Variants in ENO1 observed in about 807,000 individuals in gnomAD.
The protein encoded by ENO1 is enolase 1.
Under a neutral mutation model 46.3 loss-of-function variants are expected in ENO1, and 33 were observed. That is an observed-to-expected ratio of 0.71 (90% CI 0.54 to 0.95). The LOEUF (loss-of-function observed/expected upper bound fraction) is 0.95. Ranked by LOEUF, ENO1 falls within the 40% of genes least tolerant of loss-of-function variation. ENO1 has a pLI of 0.00. For synonymous variants in ENO1, 220 were observed against 216.0 expected (o/e 1.02, Z -0.16); for missense variants, 488 against 553.3 (o/e 0.88, Z 1.18).
chr1:8,871,762 A>G, intron 3 of ENO1, 129 bp downstream of exon 3: 1 of 1,261,572 alleles, frequency 7.9e-7, no homozygotes, highest in Middle Eastern at 2.8e-4. Context: ...CATCAACATC[A>G]TGGGTCACAG....
chr1:8,863,782 G>C, intron 9 of ENO1, 109 bp downstream of exon 9: 1 of 1,236,944 alleles, frequency 8.1e-7, no homozygotes, highest in Non-Finnish European at 1.2e-6. Context: ...AAATTCCAGC[G>C]AGTCCTACAT....
intron 4 of ENO1, chr1:8,870,205 G>A (rs187723164): frequency 9.4e-6 from 5 of 529,548 alleles, no homozygotes; most frequent in East Asian, 8.9e-5. Flanking sequence ...AGAGTTGCAG[G>A]GGGGAAGAAA....
Position 8,863,962 on chromosome 1 carries a change from C to G in ENO1, c.996G>C (p.Val332=). The G allele has an allele frequency of 6.2e-7, 1 of 1,614,138 alleles. No individual in the cohort carries two copies. The highest frequency in any genetic ancestry group is 8.5e-7 in the Non-Finnish European group (1 of 1,180,026). Residue 332 remains valine (V), a synonymous_variant, in exon 9 of 12, where the codon GTG becomes GTC. Coordinates refer to ENST00000234590, the MANE Select transcript of ENO1 (RefSeq NM_001428.5). The part of the protein sequence containing the change: ...VTNPKRIAKA[V]NEKSCNCLLL... ...GGAGGCAGTTGCAGGACTTCTCGTT[C>G]ACGGCCTTGGCGATCCTCTTTGGGT... is the stretch of plus-strand genomic sequence containing the variant.
At chr1:8,863,805 GA>G in intron 9 of ENO1, 85 bp downstream of exon 9, 2 of 1,430,642 alleles carry the variant, frequency 1.4e-6, no homozygotes, top group Middle Eastern at 3.5e-4. Context: ...TGGCCAGCAG[GA>G]TTCCCCATCA....
rs1569916681 is a variant in ENO1, at chr1:8,872,150, T to C, written c.86-164A>G. 5.3e-5 allele frequency among the ~76,000 whole-genome samples: 8 copies of C among 152,340 alleles called. 3 individuals are homozygous for C. The highest frequency in any genetic ancestry group is 5.2e-4 in the Admixed American group (8 of 15,306). Reference sequence around the variant, plus strand: ...TGGGCTGTTCTTCATGCCTTTCACATGTTTATGATCCTGTACTGCAGAACT... The same window carrying C: ...TGGGCTGTTCTTCATGCCTTTCACACGTTTATGATCCTGTACTGCAGAACT... On this transcript the variant is annotated intron_variant, in intron 2 of 11. Transcript: ENST00000234590.
At position 8,861,321 on chromosome 1, in the gene ENO1, G is replaced by C; in HGVS notation, c.*39C>G. ...AGCTGACACGAGGGGAGGGGTCTGT[G>C]TAGCCAACAGGTGACCGAAGGGCTT... On this transcript the variant is annotated 3_prime_UTR_variant, in exon 12 of 12. Transcript: ENST00000234590. 6.2e-7 allele frequency: 1 copy of C among 1,609,768 alleles called. No individual in the cohort carries two copies. Among genetic ancestry groups the C allele is most frequent in the Non-Finnish European group, 8.5e-7 (1 of 1,177,294 alleles).
intron 4 of ENO1, among the ~76,000 whole-genome samples, chr1:8,869,273 G>A (rs1400862169): frequency 1.3e-5 from 2 of 152,146 alleles, no homozygotes; most frequent in Non-Finnish European, 2.9e-5. Flanking sequence ...GTCACACTAT[G>A]CAGGGGTATG....
rs1642395855 is a variant in ENO1, at chr1:8,861,273, G to A, written c.*87C>T. 1 of 1,400,632 alleles carries A rather than the reference G, an allele frequency of 7.1e-7. No homozygotes were observed. The highest frequency in any genetic ancestry group is 1.4e-5 in the African/African-American group (1 of 70,386). The allele number at this position is 1,400,632 out of a possible 1,614,324, so 86.8% of individuals were successfully genotyped here. A position where few individuals can be genotyped will look rare whatever the true frequency, so the allele number is the denominator to read the frequency against. On this transcript the variant is annotated 3_prime_UTR_variant, in exon 12 of 12. Transcript: ENST00000234590. ...ACTAGCAGGGACCCCTGCAAGTGTT[G>A]GTCGGGGGCCTCGAGCTGCCTGAGC...
rs1642442366 is a variant in ENO1 at position 8,863,271 on chromosome 1, G to A, written c.1140C>T (p.Phe380=). ...ACAGCCCCACAACCAGGTCAGCGAT[G>A]AAGGTATCTTCAGTCTCCCCCGAAC... ...SHRSGETEDT[F]IADLVVGLCT... The change falls in exon 10 of 12, where the codon TTC becomes TTT. Residue 380 remains phenylalanine, a synonymous_variant. Transcript: ENST00000234590. 6.2e-7 allele frequency: 1 copy of A among 1,614,064 alleles called. No individual in the cohort carries two copies. Among genetic ancestry groups the A allele is most frequent in the Admixed American group, 1.7e-5 (1 of 59,990 alleles).
At chr1:8,871,681 A>T in intron 3 of ENO1, 1 of 1,359,600 alleles carries the variant, frequency 7.4e-7, no homozygotes. Flanking sequence ...CTCTCGACCC[A>T]GAGCATGCAG....
At chr1:8,870,924 C>G in intron 3 of ENO1, 1 of 1,255,070 alleles carries the variant, frequency 8.0e-7, no homozygotes, top group Non-Finnish European at 1.0e-6. Flanking sequence ...GAGAGAGACT[C>G]AGAAGAGAAC....
At chr1:8,867,405 A>G (rs1642543527) in intron 5 of ENO1, among the ~76,000 whole-genome samples, 155 bp from the exon 6 acceptor site, 1 of 152,058 alleles carries the variant, frequency 6.6e-6, no homozygotes, top group African/African-American at 2.4e-5. Flanking sequence ...TTCTATGTGG[A>G]CTCACCACTG....
At chr1:8,864,384 G>A (rs905683182) in intron 8 of ENO1, among the ~76,000 whole-genome samples, 1 of 152,198 alleles carries the variant, frequency 6.6e-6, no homozygotes, top group Admixed American at 6.5e-5. Context: ...AAGTGCAGCT[G>A]TGAAATCCTG....
At chr1:8,870,999 G>A (rs770788435) in intron 3 of ENO1, 21 of 1,242,690 alleles carry the variant, frequency 1.7e-5, no homozygotes, top group Non-Finnish European at 2.1e-5. Context: ...AGCATTTCAG[G>A]GGCCATGCGT....
intron 4 of ENO1, among the ~76,000 whole-genome samples, chr1:8,869,082 C>T (rs1303867611): frequency 2.0e-5 from 3 of 152,142 alleles, no homozygotes; most frequent in African/African-American, 7.2e-5. Context: ...CAAAGAAAAT[C>T]AACTCTGATC....
At chr1:8,866,545 GC>G (rs1170272253) in intron 6 of ENO1, 44 bp from the exon 7 acceptor site, 23 of 1,599,482 alleles carry the variant, frequency 1.4e-5, no homozygotes, top group Non-Finnish European at 2.0e-5. Context: ...GGTCCAGAGA[GC>G]CCCACAGGGC....
intron 5 of ENO1, among the ~76,000 whole-genome samples, chr1:8,867,564 CT>C (rs1278961605): frequency 1.4e-5 from 2 of 148,030 alleles, no homozygotes; most frequent in African/African-American, 2.6e-5. Flanking sequence ...TTTTTTTTTT[CT>C]TTTTTTTTGA....
intron 9 of ENO1, among the ~76,000 whole-genome samples, chr1:8,863,581 C>T (rs767808265): frequency 5.9e-5 from 9 of 152,164 alleles, no homozygotes; most frequent in Non-Finnish European, 8.8e-5. Flanking sequence ...TTCAGCCTCC[C>T]TTGATGGGAG....
Position 8,868,036 on chromosome 1 carries a change from C to T in ENO1, c.262G>A (p.Glu88Lys). ...TCGATCATCAGTTTGTCAATCTTCT[C>T]TTGTTCTGTGACGTTCAGTTTCTAC... The part of the protein sequence containing the change: ...VSKKLNVTEQ[E>K]KIDKLMIEMD... Residue 88 changes from glutamate (E) to lysine (K), a missense_variant, in exon 5 of 12, where the codon GAG becomes AAG. Coordinates refer to ENST00000234590, the MANE Select transcript of ENO1 (RefSeq NM_001428.5). 6.2e-7 allele frequency: 1 copy of T among 1,614,046 alleles called. No individual in the cohort carries two copies. The highest frequency in any genetic ancestry group is 8.5e-7 in the Non-Finnish European group (1 of 1,179,986).
Sources: gnomAD v4.1 joint callset for allele counts (sites outside exome capture counted in the v4.1 genomes callset) on GRCh38, gnomAD v4.1.1 for gene constraint, MANE v1.5 for transcripts, NCBI Gene and HGNC (gene_info 2026-07-23, HGNC 2026-07-21) for gene names.